The following GADL1 variants were observed in gnomAD, a reference collection of about 807,000 sequenced individuals.
GADL1 encodes the protein GAD like acidic amino acid decarboxylase 1.
In GADL1, 71 loss-of-function variants were observed where a neutral mutation model predicts 69.5. The ratio of observed to expected loss-of-function variants is 1.02; its 90% CI spans 0.84 to 1.25. The LOEUF (loss-of-function observed/expected upper bound fraction) is 1.25, where lower values mean the gene tolerates loss of function less well. Among genes scored for constraint, GADL1 ranks in the 50% most tolerant of loss-of-function variants. The pLI is 0.00. For missense variants in GADL1, 737 were observed against 631.8 expected, an observed-to-expected ratio of 1.17 and a Z score of -1.79; for synonymous variants, 254 against 214.4, an observed-to-expected ratio of 1.18 and a Z score of -1.62.
chr3:30,784,395 T>TTGTC (rs10663626), intron 13 of GADL1, among the ~76,000 whole-genome samples: 22,441 of 152,014 alleles, frequency 0.15, 4,252 homozygotes, highest in African/African-American at 0.43. Flanking sequence ...AGAAACCAGG[T>TTGTC]TGTTCTGCAG....
intron 6 of GADL1, 30 bp downstream of exon 6, chr3:30,849,966 T>A: frequency 7.7e-7 from 1 of 1,296,976 alleles, no homozygotes; most frequent in Non-Finnish European, 1.1e-6. Context: ...TCTCAGAAAA[T>A]CTATATTCAA....
intron 14 of GADL1, among the ~76,000 whole-genome samples, chr3:30,737,244 G>A (rs1695552764): frequency 6.6e-6 from 1 of 152,062 alleles, no homozygotes; most frequent in African/African-American, 2.4e-5. Context: ...CTTTGGGAGA[G>A]GCAAAGGTGA....
At chr3:30,874,696 G>A (rs1698552677) in intron 1 of GADL1, among the ~76,000 whole-genome samples, 1 of 151,866 alleles carries the variant, frequency 6.6e-6, no homozygotes, top group South Asian at 2.1e-4. Context: ...ATCGTAGCTA[G>A]CATTTATTTA....
chr3:30,851,435 G>A (rs1175511398), intron 4 of GADL1, among the ~76,000 whole-genome samples: 1 of 152,156 alleles, frequency 6.6e-6, no homozygotes, highest in African/African-American at 2.4e-5. Context: ...CACTCTCTGT[G>A]TCTGTATAAA....
intron 1 of GADL1, among the ~76,000 whole-genome samples, chr3:30,863,700 C>T (rs566740853): frequency 7.1e-6 from 1 of 140,390 alleles, no homozygotes; most frequent in Non-Finnish European, 1.6e-5. Context: ...TTAAATATTC[C>T]AATGGTCTAC....
At chr3:30,747,606 TA>T (rs1695726862) in intron 14 of GADL1, among the ~76,000 whole-genome samples, 1 of 152,212 alleles carries the variant, frequency 6.6e-6, no homozygotes, top group Non-Finnish European at 1.5e-5. Context: ...AATGGATTTT[TA>T]GTTTGTTTGT....
intron 1 of GADL1, among the ~76,000 whole-genome samples, chr3:30,863,101 T>C (rs762697643): frequency 2.6e-5 from 4 of 151,776 alleles, no homozygotes; most frequent in African/African-American, 9.7e-5. Context: ...TCGTAATTTG[T>C]CAGGGATACC....
intron 14 of GADL1, among the ~76,000 whole-genome samples, chr3:30,748,073 A>C (rs1695735507): frequency 6.6e-6 from 1 of 152,202 alleles, no homozygotes; most frequent in South Asian, 2.1e-4. Context: ...TGAAAAGTCC[A>C]CTTATTCTTG....
chr3:30,751,990 T>C lies in GADL1; in HGVS notation c.1393-23575A>G, dbSNP rs1325259289. 1.3e-4 allele frequency among the ~76,000 whole-genome samples: 18 copies of C among 143,972 alleles called. No individual in the cohort carries two copies. The East Asian group carries it at 3.1e-3, about 25-fold the overall frequency. The allele number at this position is 143,972 out of a possible 152,430, so 94.5% of individuals were successfully genotyped here. ...AACAGCAAAGACTTACTGATGGCTG[T>C]CTAAATAAGATAGGACGATTCTGAA... On this transcript the variant is annotated intron_variant, in intron 14 of 14. Coordinates refer to ENST00000282538, the MANE Select transcript of GADL1 (RefSeq NM_207359.3).
rs985716508 is a variant in GADL1 at position 30,854,731 on chromosome 3, G to T, written c.396C>A (p.Ala132=). 5 of 1,549,464 alleles carry T rather than the reference G, an allele frequency of 3.2e-6. No individual in the cohort carries two copies. In the African/African-American group the frequency reaches 5.5e-5, roughly 17 times the overall value. ...GATTCAATGCTTCGGTCATAAATCG[G>T]GCCACCAAGGAGTAATAATCAAGTC... ...YAGLDYYSLV[A]RFMTEALNPS... The change falls in exon 4 of 15, where the codon GCC becomes GCA. Residue 132 remains alanine, a synonymous_variant. Transcript: ENST00000282538.
intron 12 of GADL1, among the ~76,000 whole-genome samples, chr3:30,794,216 A>G (rs950254450): frequency 1.2e-4 from 19 of 152,190 alleles, no homozygotes; most frequent in Admixed American, 6.5e-4. Context: ...GAGAGATTGC[A>G]GAGATTGTGT....
intron 12 of GADL1, among the ~76,000 whole-genome samples, chr3:30,788,164 AAGC>A (rs989803879): frequency 9.2e-5 from 14 of 152,192 alleles, no homozygotes; most frequent in Non-Finnish European, 1.9e-4. Context: ...CTTTCATAAA[AAGC>A]AATTCCATTG....
intron 9 of GADL1, among the ~76,000 whole-genome samples, chr3:30,836,320 C>G (rs1697872499): frequency 6.6e-6 from 1 of 151,864 alleles, no homozygotes; most frequent in South Asian, 2.1e-4. Flanking sequence ...TCACAGGAAC[C>G]CTTCCAAGGC....
In GADL1 at chr3:30,861,633, A is replaced by T; in HGVS notation, c.170T>A (p.Met57Lys). ...TGTAGCTTTCAAAACCACCTCTTCC[A>T]TTATTAGCCTACAGGCCTCTTCAAC... ...KFVEEACRLI[M>K]EEVVLKATDV... Residue 57 changes from methionine to lysine, a missense_variant, in exon 2 of 15, where the codon ATG (methionine) becomes AAG (lysine). Transcript: ENST00000282538. The T allele has an allele frequency of 6.5e-7, 1 of 1,550,026 alleles. No individual in the cohort carries two copies. Among genetic ancestry groups the T allele is most frequent in the South Asian group, 1.2e-5 (1 of 83,916 alleles).
rs371655432 is a variant in GADL1, at chr3:30,834,336, C to G, written c.904-55G>C. The G allele has an allele frequency of 6.1e-6, 9 of 1,465,102 alleles. No individual in the cohort carries two copies. In the African/African-American group the frequency reaches 1.1e-4, roughly 18 times the overall value. 90.8% of individuals were successfully genotyped at this position (1,465,102 alleles called of 1,614,324 possible). A position where few individuals can be genotyped will look rare whatever the true frequency, so the allele number is the denominator to read the frequency against. ...TGTTATTTCAATGTTATTTGTTTAC[C>G]AGTGGGTTGTCATAGAAAACCCTCA... On this transcript the variant is annotated intron_variant, in intron 9 of 14. Transcript: ENST00000282538.
At chr3:30,774,965 A>G (rs867273678) in intron 14 of GADL1, among the ~76,000 whole-genome samples, 1 of 152,180 alleles carries the variant, frequency 6.6e-6, no homozygotes, top group Non-Finnish European at 1.5e-5. Flanking sequence ...CAGAGAGACC[A>G]GAAAAGAGAC....
At chr3:30,880,881 C>T (rs1446624987) in intron 1 of GADL1, among the ~76,000 whole-genome samples, 1 of 151,834 alleles carries the variant, frequency 6.6e-6, no homozygotes, top group African/African-American at 2.4e-5. Flanking sequence ...CTCAAGAAAG[C>T]TCCTAAAAAA....
At chr3:30,826,376 C>A (rs1697681124) in intron 11 of GADL1, among the ~76,000 whole-genome samples, 2 of 151,954 alleles carry the variant, frequency 1.3e-5, no homozygotes, top group South Asian at 4.2e-4. Flanking sequence ...GTTGGCGTTC[C>A]ATACTGAAAC....
At position 30,844,480 on chromosome 3, in the gene GADL1, G is replaced by C; in HGVS notation, c.652-14C>G. On this transcript the variant is annotated splice_polypyrimidine_tract_variant and intron_variant, in intron 6 of 14. Coordinates refer to ENST00000282538, the MANE Select transcript of GADL1 (RefSeq NM_207359.3). ...AGAGTAATGACACTGAATTCAAAGG[G>C]ACAGTGGGGAAGGGGGAGACATGAA... 6.5e-7 allele frequency: 1 copy of C among 1,543,900 alleles called. No individual in the cohort carries two copies. The highest frequency in any genetic ancestry group is 9.0e-7 in the Non-Finnish European group (1 of 1,116,336).
Sources: allele counts gnomAD v4.1 joint callset (sites outside exome capture counted in the v4.1 genomes callset), GRCh38; gene constraint gnomAD v4.1.1; transcripts MANE v1.5; gene names NCBI Gene and HGNC (gene_info 2026-07-23, HGNC 2026-07-21).